The following ZNF438 variants were observed in gnomAD, a reference collection of about 807,000 sequenced individuals.
ZNF438 encodes zinc finger protein 438.
ZNF438 carries 25 observed loss-of-function variants against 38.0 expected under a neutral mutation model. The observed-to-expected ratio is 0.66, with a 90% CI of 0.48 to 0.92. The LOEUF (loss-of-function observed/expected upper bound fraction) is 0.92, where lower values mean the gene tolerates loss of function less well. Ranked by LOEUF, ZNF438 falls within the 40% of genes least tolerant of loss-of-function variation. The pLI, the probability that ZNF438 is intolerant of heterozygous loss-of-function variation, is 0.00. For missense variants in ZNF438, 1,007 were observed against 999.6 expected, an observed-to-expected ratio of 1.01 and a Z score of -0.10; for synonymous variants, 372 against 364.1, an observed-to-expected ratio of 1.02 and a Z score of -0.25.
chr10:30,856,966 G>C (rs1033503325), intron 4 of ZNF438, among the ~76,000 whole-genome samples: 1 of 152,144 alleles, frequency 6.6e-6, no homozygotes, highest in Admixed American at 6.5e-5. Context: ...ATTAATGCTA[G>C]GTCTTTTAAT....
At chr10:30,880,833 A>G (rs1411899755) in intron 3 of ZNF438, among the ~76,000 whole-genome samples, 1 of 152,242 alleles carries the variant, frequency 6.6e-6, no homozygotes, top group Admixed American at 6.5e-5. Context: ...CTGGTTTAAC[A>G]TTCAAAATAA....
intron 2 of ZNF438, among the ~76,000 whole-genome samples, chr10:30,915,534 G>C (rs2043527411): frequency 6.6e-6 from 1 of 151,868 alleles, no homozygotes; most frequent in Non-Finnish European, 1.5e-5. Context: ...AACATTTAAA[G>C]CTACAAATGT....
rs767788180 is a variant in ZNF438 at position 30,932,063 on chromosome 10, C to T, written c.-115+9512G>A. 4.8e-4 allele frequency among the ~76,000 whole-genome samples: 73 copies of T among 152,216 alleles called. 1 individual carries two copies. Among genetic ancestry groups the T allele is most frequent in the Middle Eastern group, 3.4e-3 (1 of 294 alleles). ...CTGGAGTAACTTCCTTCATTATTAC[C>T]TACAGGCCATTGTGCTCAGCAACCC... On this transcript the variant is annotated intron_variant, in intron 2 of 5. Transcript: ENST00000413025.
intron 1 of ZNF438, among the ~76,000 whole-genome samples, chr10:31,024,345 G>A (rs2056799561): frequency 6.6e-6 from 1 of 152,158 alleles, no homozygotes; most frequent in Admixed American, 6.5e-5. Context: ...TCCTAGGTAC[G>A]GCCGAGCGCA....
intron 4 of ZNF438, among the ~76,000 whole-genome samples, chr10:30,861,636 T>C (rs1318769179): frequency 2.6e-5 from 4 of 152,114 alleles, no homozygotes; most frequent in African/African-American, 9.7e-5. Context: ...ATTTTAATGA[T>C]TCTCAATTTC....
At chr10:30,931,971 G>T (rs1046045995) in intron 2 of ZNF438, among the ~76,000 whole-genome samples, 14 of 152,238 alleles carry the variant, frequency 9.2e-5, no homozygotes, top group Admixed American at 2.6e-4. Flanking sequence ...GAAGGTAGAG[G>T]GTAATAACGT....
intron 1 of ZNF438, among the ~76,000 whole-genome samples, chr10:31,027,315 C>T (rs889729948): frequency 2.6e-5 from 4 of 151,920 alleles, no homozygotes; most frequent in Non-Finnish European, 5.9e-5. Flanking sequence ...GCTAGACACA[C>T]TGTTTTCAAC....
chr10:30,845,429 T>C (rs1444050614), exon 6 of ZNF438: 4 of 1,614,018 alleles, frequency 2.5e-6, no homozygotes, highest in Non-Finnish European at 8.5e-7. Context: ...TGCCCTCAAT[T>C]TCCTCTCCAT....
chr10:30,959,763 TCA>T (rs568555260), intron 1 of ZNF438, among the ~76,000 whole-genome samples: 1 of 145,214 alleles, frequency 6.9e-6, no homozygotes, highest in Non-Finnish European at 1.6e-5. Flanking sequence ...ATAAATTTCT[TCA>T]CACACACACA....
chr10:30,852,878 C>T lies in ZNF438; in HGVS notation c.38-2511G>A, dbSNP rs370471147. On this transcript the variant is annotated intron_variant, in intron 4 of 5. Transcript: ENST00000413025. The stretch of plus-strand genomic sequence containing the variant: ...TGACAATAGTCATCTGTATGGATTG[C>T]TACTTCTTCCTACATAATTTTAATT... Among the ~76,000 whole-genome samples the T allele has an allele frequency of 2.6e-4, 39 of 152,232 alleles. No homozygotes were observed. In the South Asian group the frequency reaches 5.2e-3, roughly 20 times the overall value.
intron 1 of ZNF438, among the ~76,000 whole-genome samples, chr10:30,977,708 G>C (rs771581948): frequency 1.3e-5 from 2 of 152,160 alleles, no homozygotes; most frequent in Non-Finnish European, 2.9e-5. Flanking sequence ...TTCTGGGCCC[G>C]GCACGGTGGC....
intron 2 of ZNF438, among the ~76,000 whole-genome samples, chr10:30,930,558 G>C (rs116856909): frequency 6.6e-6 from 1 of 151,898 alleles, no homozygotes; most frequent in Non-Finnish European, 1.5e-5. Flanking sequence ...AGGAGGTGCC[G>C]AGAGCAAGCG....
intron 3 of ZNF438, among the ~76,000 whole-genome samples, chr10:30,900,353 A>T (rs1446165880): frequency 6.6e-6 from 1 of 152,132 alleles, no homozygotes; most frequent in Non-Finnish European, 1.5e-5. Context: ...TATACCACTT[A>T]CTAGCTATGT....
intron 4 of ZNF438, among the ~76,000 whole-genome samples, chr10:30,852,839 A>G (rs933921993): frequency 2.0e-5 from 3 of 152,206 alleles, no homozygotes; most frequent in Non-Finnish European, 2.9e-5. Context: ...GGGTAAATTG[A>G]GTGGTAAATC....
At chr10:30,918,286 A>G (rs2043881022) in intron 2 of ZNF438, among the ~76,000 whole-genome samples, 1 of 152,150 alleles carries the variant, frequency 6.6e-6, no homozygotes, top group South Asian at 2.1e-4. Context: ...AACTTTTAGA[A>G]TTAGCTTGCT....
chr10:30,954,472 A>G (rs2048639824), intron 1 of ZNF438, among the ~76,000 whole-genome samples: 2 of 152,220 alleles, frequency 1.3e-5, no homozygotes, highest in South Asian at 4.1e-4. Flanking sequence ...GCATGGCTGT[A>G]AAACACCTTG....
At chr10:30,941,915 A>G (rs2046855744) in intron 1 of ZNF438, among the ~76,000 whole-genome samples, 1 of 152,264 alleles carries the variant, frequency 6.6e-6, no homozygotes, top group African/African-American at 2.4e-5. Flanking sequence ...ATTATTAGAT[A>G]TTTAAGCCTG....
chr10:30,970,708 T>A (rs922737596), intron 1 of ZNF438, among the ~76,000 whole-genome samples: 1 of 152,346 alleles, frequency 6.6e-6, no homozygotes, highest in Admixed American at 6.5e-5. Flanking sequence ...AGCGTCTTTA[T>A]GTCTTCATAC....
At chr10:30,986,784 A>C (rs529478621) in intron 1 of ZNF438, among the ~76,000 whole-genome samples, 1 of 152,250 alleles carries the variant, frequency 6.6e-6, no homozygotes, top group South Asian at 2.1e-4. Flanking sequence ...GGCACTCAAA[A>C]AGTTTAGGAT....
Sources: allele counts gnomAD v4.1 joint callset (sites outside exome capture counted in the v4.1 genomes callset), GRCh38; gene constraint gnomAD v4.1.1; transcripts MANE v1.5; gene names NCBI Gene and HGNC (gene_info 2026-07-23, HGNC 2026-07-21).